The following RHOJ variants were observed in gnomAD, a reference collection of about 807,000 sequenced individuals.
RHOJ encodes rho-related GTP-binding protein RhoJ.
A neutral mutation model predicts 23.4 loss-of-function variants in RHOJ; 11 were observed. The ratio of observed to expected loss-of-function variants is 0.47; its 90% CI spans 0.30 to 0.78. RHOJ has a LOEUF of 0.78. Among genes scored for constraint, RHOJ ranks in the 30% least tolerant of loss-of-function variants. RHOJ has a pLI of 0.08. For synonymous variants in RHOJ, 102 were observed against 102.7 expected (o/e 0.99, Z 0.04); for missense variants, 254 against 273.4 (o/e 0.93, Z 0.50).
chr14:63,274,597 G>A (rs946278932), intron 2 of RHOJ, among the ~76,000 whole-genome samples: 62 of 152,254 alleles, frequency 4.1e-4, no homozygotes, highest in Non-Finnish European at 5.4e-4. Flanking sequence ...GCTGGAGGAC[G>A]GACTCTTTTA....
At chr14:63,208,709 C>G (rs1226281884) in intron 1 of RHOJ, among the ~76,000 whole-genome samples, 1 of 152,110 alleles carries the variant, frequency 6.6e-6, no homozygotes, top group Non-Finnish European at 1.5e-5. Flanking sequence ...GTGTTCAGTC[C>G]CTGGGTCCTC....
At chr14:63,259,372 A>C (rs189464784) in intron 1 of RHOJ, among the ~76,000 whole-genome samples, 9 of 152,340 alleles carry the variant, frequency 5.9e-5, no homozygotes, top group African/African-American at 2.2e-4. Flanking sequence ...TTTCAGTGAC[A>C]ACGCATAACA....
chr14:63,241,551 C>T (rs1293258951), intron 1 of RHOJ, among the ~76,000 whole-genome samples: 3 of 152,126 alleles, frequency 2.0e-5, no homozygotes, highest in Non-Finnish European at 4.4e-5. Flanking sequence ...AAGACACTCG[C>T]ATTAACTACC....
intron 2 of RHOJ, among the ~76,000 whole-genome samples, chr14:63,279,208 G>A (rs1276939037): frequency 6.6e-6 from 1 of 152,122 alleles, no homozygotes; most frequent in African/African-American, 2.4e-5. Flanking sequence ...CCTAATAAAT[G>A]AGTTAATTAT....
At chr14:63,263,462 C>T (rs1044666719) in intron 1 of RHOJ, among the ~76,000 whole-genome samples, 1 of 152,136 alleles carries the variant, frequency 6.6e-6, no homozygotes, top group African/African-American at 2.4e-5. Flanking sequence ...TCTGGCTGTC[C>T]CTTGACATCC....
chr14:63,266,923 G>A (rs1309048446), intron 1 of RHOJ, among the ~76,000 whole-genome samples: 1 of 152,130 alleles, frequency 6.6e-6, no homozygotes, highest in Non-Finnish European at 1.5e-5. Flanking sequence ...CAGTGTGTGT[G>A]TGCAGACATA....
intron 1 of RHOJ, among the ~76,000 whole-genome samples, chr14:63,206,267 A>G (rs961320363): frequency 7.2e-5 from 11 of 152,224 alleles, no homozygotes; most frequent in African/African-American, 2.4e-4. Flanking sequence ...AGGTTTTTCT[A>G]TATTTGTAGA....
At chr14:63,286,161 C>T (rs562954384) in intron 4 of RHOJ, among the ~76,000 whole-genome samples, 2 of 152,302 alleles carry the variant, frequency 1.3e-5, no homozygotes, top group South Asian at 4.1e-4. Context: ...CTGGAAGAGT[C>T]ACTGCCACCT....
chr14:63,254,923 G>C (rs574617878), intron 1 of RHOJ, among the ~76,000 whole-genome samples: 2 of 152,216 alleles, frequency 1.3e-5, no homozygotes, highest in East Asian at 3.9e-4. Context: ...CAAGCTGCTG[G>C]GTACAATCTA....
chr14:63,233,079 A>G (rs940891599), intron 1 of RHOJ, among the ~76,000 whole-genome samples: 1 of 152,158 alleles, frequency 6.6e-6, no homozygotes, highest in African/African-American at 2.4e-5. Context: ...AGGTGAGGCA[A>G]TATTAATTGA....
rs1339785970 is a variant in RHOJ, at chr14:63,204,993, G to A, written c.124G>A (p.Ala42Thr). Residue 42 changes from alanine (A) to threonine (T), a missense_variant, in exon 1 of 5, where the codon GCC (alanine) becomes ACC (threonine). Coordinates refer to ENST00000316754, the MANE Select transcript of RHOJ (RefSeq NM_020663.5). ...GAAAACCTGCCTGCTGATGAGCTAC[G>A]CCAACGACGCCTTCCCAGAGGAATA... ...VGKTCLLMSY[A>T]NDAFPEEYVP... The A allele has an allele frequency of 3.1e-6, 5 of 1,614,224 alleles. No individual in the cohort carries two copies. The highest frequency in any genetic ancestry group is 2.2e-5 in the East Asian group (1 of 44,880).
rs932345108 is a variant in RHOJ, at chr14:63,291,200, G to C, written c.*176G>C. On this transcript the variant is annotated 3_prime_UTR_variant, in exon 5 of 5. Coordinates refer to ENST00000316754, the MANE Select transcript of RHOJ (RefSeq NM_020663.5). ...AGCACACTAGTCAGCCCACTGCCAC[G>C]ACCTCCCTGCCAGCCAGAAGCATCC... 1.4e-6 allele frequency: 1 copy of C among 707,256 alleles called. No individual in the cohort carries two copies. The highest frequency in any genetic ancestry group is 1.6e-5 in the South Asian group (1 of 63,546). 43.8% of individuals were successfully genotyped at this position (707,256 alleles called of 1,614,324 possible).
At position 63,204,889 on chromosome 14, in the gene RHOJ, C is replaced by A; in HGVS notation, c.20C>A (p.Thr7Asn). The change falls in exon 1 of 5, where the codon ACT (threonine) becomes AAT (asparagine). Residue 7 changes from threonine to asparagine, a missense_variant. Physicochemically the swap from Thr to Asn is moderately conservative, Grantham distance 65. Transcript: ENST00000316754. The part of the protein sequence containing the change: MNCKEG[T>N]DSSCGCRGND... ...GCAAGAATGAACTGCAAAGAGGGAA[C>A]TGACAGCAGCTGCGGCTGCAGGGGC... 6.2e-7 allele frequency: 1 copy of A among 1,613,800 alleles called. No individual in the cohort carries two copies. Among genetic ancestry groups the A allele is most frequent in the Non-Finnish European group, 8.5e-7 (1 of 1,179,848 alleles).
chr14:63,226,476 T>C (rs1161489994), intron 1 of RHOJ, among the ~76,000 whole-genome samples: 1 of 151,338 alleles, frequency 6.6e-6, no homozygotes, highest in Non-Finnish European at 1.5e-5. Flanking sequence ...AATAGAGATA[T>C]GAAAAGTAAG....
intron 1 of RHOJ, among the ~76,000 whole-genome samples, chr14:63,239,069 C>T (rs942445479): frequency 2.0e-5 from 3 of 152,092 alleles, no homozygotes; most frequent in South Asian, 2.1e-4. Flanking sequence ...GGGACCTATT[C>T]GAGTGAATAC....
chr14:63,259,955 A>G (rs1895244972), intron 1 of RHOJ, among the ~76,000 whole-genome samples: 1 of 152,232 alleles, frequency 6.6e-6, no homozygotes, highest in East Asian at 1.9e-4. Flanking sequence ...TTAGGATGAC[A>G]ACCATGCACC....
intron 2 of RHOJ, among the ~76,000 whole-genome samples, chr14:63,270,170 C>CTTTTTTTT (rs10680889): frequency 3.9e-5 from 5 of 128,190 alleles, no homozygotes; most frequent in African/African-American, 5.8e-5. Context: ...TCGTCTAGGC[C>CTTTTTTTT]TTTTTTTTTT....
intron 1 of RHOJ, 42 bp downstream of exon 1, chr14:63,205,089 G>T (rs1413486153): frequency 1.3e-6 from 2 of 1,587,744 alleles, no homozygotes; most frequent in Admixed American, 3.4e-5. Context: ...GACAAACGAT[G>T]CAGGGGGCGA....
intron 2 of RHOJ, among the ~76,000 whole-genome samples, chr14:63,278,571 G>A (rs1021964867): frequency 6.6e-6 from 1 of 151,992 alleles, no homozygotes; most frequent in African/African-American, 2.4e-5. Context: ...CAATAGAAAG[G>A]TTGATATTAA....
Sources: allele counts gnomAD v4.1 joint callset (sites outside exome capture counted in the v4.1 genomes callset), GRCh38; gene constraint gnomAD v4.1.1; transcripts MANE v1.5; gene names NCBI Gene and HGNC (gene_info 2026-07-23, HGNC 2026-07-21).